CA1: variants seen among roughly 807,000 people sequenced by gnomAD.
CA1 encodes the protein carbonic anhydrase 1, also known as carbonate dehydratase I.
Under a neutral mutation model 28.8 loss-of-function variants are expected in CA1, and 27 were observed. The ratio of observed to expected loss-of-function variants is 0.94; its 90% confidence interval spans 0.69 to 1.29. CA1 has a LOEUF of 1.29. CA1 is among the 50% of genes most tolerant of loss of function. The pLI is 0.00. For synonymous variants in CA1, 121 were observed against 108.8 expected, an observed-to-expected ratio of 1.11 and a Z score of -0.70; for missense variants, 335 against 310.5, an observed-to-expected ratio of 1.08 and a Z score of -0.59.
intron 2 of CA1, among the ~76,000 whole-genome samples, 186 bp from the exon 3 acceptor site, chr8:85,338,635 T>C (rs1424636969): frequency 2.6e-4 from 1 of 3,896 alleles, no homozygotes; most frequent in Non-Finnish European, 1.4e-3. Context: ...TCCTTCTTTT[T>C]CTTTCTTTCT....
Position 85,341,579 on chromosome 8 carries a change from A to G in CA1, c.37+20T>C. ...GGAACAAGTTATCATTTTGATCTATATAAACAGGAGAACTCTTACCATTTT... is the reference window on the plus strand; with the variant it reads ...GGAACAAGTTATCATTTTGATCTATGTAAACAGGAGAACTCTTACCATTTT... On this transcript the variant is annotated intron_variant, in intron 2 of 7. Coordinates refer to ENST00000523022, the MANE Select transcript of CA1 (RefSeq NM_001128831.4). The G allele has an allele frequency of 6.9e-7, 1 of 1,459,126 alleles. No homozygotes were observed. The highest frequency in any genetic ancestry group is 1.7e-5 in the Admixed American group (1 of 59,814). The allele number at this position is 1,459,126 out of a possible 1,614,324, so 90.4% of individuals were successfully genotyped here. A position where few individuals can be genotyped will look rare whatever the true frequency, so the allele number is the denominator to read the frequency against.
chr8:85,375,670 G>A (rs940097362), intron 1 of CA1, among the ~76,000 whole-genome samples: 3 of 152,162 alleles, frequency 2.0e-5, no homozygotes, highest in Non-Finnish European at 4.4e-5. Flanking sequence ...TCCAGAGCAC[G>A]GAGAAAGTTC....
intron 6 of CA1, among the ~76,000 whole-genome samples, chr8:85,331,295 C>T (rs928106685): frequency 2.0e-5 from 3 of 151,980 alleles, no homozygotes; most frequent in African/African-American, 7.2e-5. Context: ...TTAGTCACAA[C>T]CTATTTATTT....
Position 85,344,215 on chromosome 8 carries a change from TTATATTATATACAGTATATAATA to T in CA1, c.-24-2579_-24-2557del, listed in dbSNP as rs1809054889. Among the ~76,000 whole-genome samples, 12 of 63,992 alleles carry T rather than the reference TTATATTATATACAGTATATAATA, an allele frequency of 1.9e-4. No individual in the cohort carries two copies. In the Admixed American group the frequency reaches 1.9e-3, roughly 10 times the overall value. The allele number at this position is 63,992 out of a possible 152,430, so 42.0% of individuals were successfully genotyped here. The stretch of plus-strand genomic sequence containing the variant: ...ATATATTATACAGTATATAATATAA[TTATATTATATACAGTATATAATA>T]TATAATTATATATTATATACAGTAT... On this transcript the variant is annotated intron_variant, in intron 1 of 7. Coordinates refer to ENST00000523022, the MANE Select transcript of CA1 (RefSeq NM_001128831.4).
At chr8:85,363,445 G>C (rs774382384) in intron 1 of CA1, among the ~76,000 whole-genome samples, 9 of 152,204 alleles carry the variant, frequency 5.9e-5, no homozygotes, top group Admixed American at 1.3e-4. Flanking sequence ...CACCACCTGA[G>C]TGACTTGCCC....
chr8:85,358,279 A>T (rs1227624300), intron 1 of CA1, among the ~76,000 whole-genome samples: 1 of 152,294 alleles, frequency 6.6e-6, no homozygotes, highest in East Asian at 1.9e-4. Flanking sequence ...TTTTAGATGG[A>T]GTGCCATCCC....
rs1808939976 is a variant in CA1, at chr8:85,341,678, C to T, written c.-24-19G>A. 1.5e-6 allele frequency: 2 copies of T among 1,314,952 alleles called. No individual in the cohort carries two copies. Among genetic ancestry groups the T allele is most frequent in the South Asian group, 2.3e-5 (2 of 85,152 alleles). The allele number at this position is 1,314,952 out of a possible 1,614,324, so 81.5% of individuals were successfully genotyped here. Reference sequence around the variant, plus strand: ...TCTTTTTCTGAAAACAAAAATAATACCTGGAATAACTAACTGCAACTGTGC... The same window carrying T: ...TCTTTTTCTGAAAACAAAAATAATATCTGGAATAACTAACTGCAACTGTGC... On this transcript the variant is annotated intron_variant, in intron 1 of 7. Coordinates refer to ENST00000523022, the MANE Select transcript of CA1 (RefSeq NM_001128831.4).
At chr8:85,342,033 T>C (rs2130225270) in intron 1 of CA1, among the ~76,000 whole-genome samples, 1 of 152,296 alleles carries the variant, frequency 6.6e-6, no homozygotes, top group East Asian at 1.9e-4. Context: ...TCTACCTTTG[T>C]TAGTTACCTA....
intron 1 of CA1, 178 bp from the exon 2 acceptor site, chr8:85,341,837 A>G (rs955134184): frequency 1.3e-5 from 7 of 542,908 alleles, no homozygotes; most frequent in African/African-American, 3.8e-5. Flanking sequence ...AAAAAATTCT[A>G]CAAGGGCTAT....
chr8:85,370,174 T>C (rs1810163011), intron 1 of CA1, among the ~76,000 whole-genome samples: 1 of 152,328 alleles, frequency 6.6e-6, no homozygotes, highest in South Asian at 2.1e-4. Context: ...ATACCTGTAA[T>C]TTATAAGCCC....
At chr8:85,329,637 A>C in intron 7 of CA1, 52 bp downstream of exon 7, 1 of 1,454,310 alleles carries the variant, frequency 6.9e-7, no homozygotes, top group Non-Finnish European at 9.6e-7. Context: ...ACTATCAATT[A>C]AAGTAATATT....
intron 1 of CA1, among the ~76,000 whole-genome samples, chr8:85,359,801 A>C (rs1316176426): frequency 6.6e-6 from 1 of 152,238 alleles, no homozygotes; most frequent in African/African-American, 2.4e-5. Flanking sequence ...AAATGTGGGC[A>C]TGTATCTTAT....
At chr8:85,376,039 T>G (rs1042709922) in intron 1 of CA1, among the ~76,000 whole-genome samples, 7 of 152,142 alleles carry the variant, frequency 4.6e-5, no homozygotes, top group African/African-American at 1.4e-4. Flanking sequence ...CAGTTATAAG[T>G]TATAAAAGAA....
chr8:85,375,632 A>G (rs1810388175), intron 1 of CA1, among the ~76,000 whole-genome samples: 1 of 152,220 alleles, frequency 6.6e-6, no homozygotes, highest in South Asian at 2.1e-4. Context: ...GCTCTAAATG[A>G]GTTTGTGTCT....
chr8:85,377,802 C>CAA (rs1253880823), intron 1 of CA1, among the ~76,000 whole-genome samples: 2 of 133,614 alleles, frequency 1.5e-5, no homozygotes, highest in African/African-American at 5.4e-5. Context: ...GACTCTGTCT[C>CAA]AAAAAAAAAA....
chr8:85,351,197 T>C (rs1809397923), intron 1 of CA1, among the ~76,000 whole-genome samples: 1 of 152,252 alleles, frequency 6.6e-6, no homozygotes, highest in South Asian at 2.1e-4. Context: ...CAGTGACTTC[T>C]TCCAAGGGAG....
intron 1 of CA1, among the ~76,000 whole-genome samples, chr8:85,370,511 T>C (rs1214011473): frequency 2.0e-5 from 3 of 152,184 alleles, no homozygotes; most frequent in Non-Finnish European, 4.4e-5. Context: ...AACTTTATGA[T>C]CACCTTGGAT....
chr8:85,337,012 A>G lies in CA1; in HGVS notation c.287T>C (p.Phe96Ser). The part of the protein sequence containing the change: ...SDSYRLFQFH[F>S]HWGSTNEHGS... Reference sequence around the variant, plus strand: ...ATGCTCATTTGTACTGCCCCAGTGAAAATGGAACTGAAAGAGCCTGTAGCT... The same window carrying G: ...ATGCTCATTTGTACTGCCCCAGTGAGAATGGAACTGAAAGAGCCTGTAGCT... The change falls in exon 4 of 8, where the codon TTT (phenylalanine) becomes TCT (serine). Residue 96 changes from phenylalanine (F) to serine (S), a missense_variant. By Grantham distance (155) the Phe-to-Ser change is radical. Transcript: ENST00000523022. 2 of 1,613,524 alleles carry G rather than the reference A, an allele frequency of 1.2e-6. No individual in the cohort carries two copies. The highest frequency in any genetic ancestry group is 1.7e-6 in the Non-Finnish European group (2 of 1,179,510).
intron 1 of CA1, among the ~76,000 whole-genome samples, chr8:85,346,497 C>T (rs952532331): frequency 6.6e-6 from 1 of 152,156 alleles, no homozygotes; most frequent in Non-Finnish European, 1.5e-5. Flanking sequence ...CATGGTGGCT[C>T]ATGCCTGTAA....
Sources: gnomAD v4.1 joint callset for allele counts (sites outside exome capture counted in the v4.1 genomes callset) on GRCh38, gnomAD v4.1.1 for gene constraint, MANE v1.5 for transcripts, NCBI Gene and HGNC (gene_info 2026-07-23, HGNC 2026-07-21) for gene names.